The following NEO1 variants were observed in gnomAD, a reference collection of about 807,000 sequenced individuals.
The protein encoded by NEO1 is neogenin.
Under a neutral mutation model 159.7 loss-of-function variants are expected in NEO1, and 63 were observed. The observed-to-expected ratio is 0.39, with a 90% CI of 0.32 to 0.49. The LOEUF (loss-of-function observed/expected upper bound fraction) is 0.49. NEO1 is among the 20% of genes least tolerant of loss of function. The pLI is 0.85. For synonymous variants in NEO1, 633 were observed against 662.0 expected (o/e 0.96, Z 0.67); for missense variants, 1,615 against 1,831.0 (o/e 0.88, Z 2.15).
At chr15:73,105,282 C>T (rs529604824) in intron 1 of NEO1, among the ~76,000 whole-genome samples, 18 of 152,234 alleles carry the variant, frequency 1.2e-4, no homozygotes, top group African/African-American at 2.9e-4. Context: ...TACTTTTCTG[C>T]GAATGATTAC....
intron 5 of NEO1, among the ~76,000 whole-genome samples, chr15:73,170,864 G>T (rs2034912345): frequency 6.6e-6 from 1 of 152,146 alleles, no homozygotes; most frequent in African/African-American, 2.4e-5. Flanking sequence ...ATGAGTGATA[G>T]AATAAGAGTA....
intron 5 of NEO1, among the ~76,000 whole-genome samples, chr15:73,168,458 C>G (rs968186549): frequency 2.6e-5 from 4 of 151,548 alleles, no homozygotes; most frequent in African/African-American, 9.7e-5. Flanking sequence ...CTTGGCCTCC[C>G]AAAGTGCTAG....
Position 73,116,684 on chromosome 15 carries a change from T to C in NEO1, c.275T>C (p.Phe92Ser), listed in dbSNP as rs2071340681. The change falls in exon 2 of 29, where the codon TTT becomes TCT. Residue 92 changes from phenylalanine to serine, a missense_variant. Phe to Ser is a radical substitution (Grantham distance 155, BLOSUM62 -2). Coordinates refer to ENST00000261908, the MANE Select transcript of NEO1 (RefSeq NM_002499.4). ...ATTGAATGGAAAAAAGATGGAACTT[T>C]TTTAAACTTAGTATCAGATGATCGA... ...PKIEWKKDGT[F>S]LNLVSDDRRQ... 1.4e-5 allele frequency: 22 copies of C among 1,613,912 alleles called. No homozygotes were observed. The highest frequency in any genetic ancestry group is 2.2e-5 in the South Asian group (2 of 91,086).
chr15:73,141,038 A>T (rs565290734), intron 5 of NEO1, among the ~76,000 whole-genome samples: 1 of 152,202 alleles, frequency 6.6e-6, no homozygotes, highest in Non-Finnish European at 1.5e-5. Context: ...GGTAGTTACA[A>T]TTCAAGCTGT....
At chr15:73,271,954 A>C (rs1451485309) in intron 18 of NEO1, among the ~76,000 whole-genome samples, 6 of 151,846 alleles carry the variant, frequency 4.0e-5, no homozygotes, top group Admixed American at 6.6e-5. Flanking sequence ...AGAGCCAACT[A>C]TAAATGAGAG....
intron 7 of NEO1, among the ~76,000 whole-genome samples, chr15:73,220,090 C>T (rs1331299174): frequency 1.3e-5 from 2 of 151,972 alleles, no homozygotes; most frequent in East Asian, 1.9e-4. Flanking sequence ...TTTAGTGCTT[C>T]CTTCAGGAGC....
intron 1 of NEO1, among the ~76,000 whole-genome samples, chr15:73,107,887 T>C (rs2151552846): frequency 6.6e-6 from 1 of 152,322 alleles, no homozygotes; most frequent in African/African-American, 2.4e-5. Context: ...AAGTGGCTTA[T>C]AAGATATTTC....
intron 1 of NEO1, among the ~76,000 whole-genome samples, chr15:73,070,535 G>A (rs1274062459): frequency 7.2e-5 from 11 of 152,246 alleles, no homozygotes; most frequent in Middle Eastern, 3.4e-3. Context: ...GAAGAAAATA[G>A]AAAAGAGGTT....
chr15:73,181,674 A>G (rs1005701972), intron 7 of NEO1, among the ~76,000 whole-genome samples: 1 of 152,042 alleles, frequency 6.6e-6, no homozygotes, highest in Non-Finnish European at 1.5e-5. Flanking sequence ...GTGAGAACTC[A>G]CTATCTCAAG....
At chr15:73,283,189 G>T in intron 23 of NEO1, 78 bp downstream of exon 23, 1 of 1,458,244 alleles carries the variant, frequency 6.9e-7, no homozygotes, top group Non-Finnish European at 9.4e-7. Context: ...ATATGGAGTG[G>T]TACACAAAGT....
At chr15:73,100,380 G>A (rs2070333672) in intron 1 of NEO1, among the ~76,000 whole-genome samples, 2 of 151,246 alleles carry the variant, frequency 1.3e-5, no homozygotes, top group Admixed American at 6.6e-5. Context: ...TGTTGCCCAG[G>A]CTGGAGTGCA....
At chr15:73,301,648 G>T in intron 28 of NEO1, 191 bp downstream of exon 28, 2 of 711,838 alleles carry the variant, frequency 2.8e-6, no homozygotes, top group Non-Finnish European at 2.2e-6. Flanking sequence ...TGAGGACTTG[G>T]TGTGCTTTCT....
At chr15:73,216,356 A>T (rs1596365937) in intron 7 of NEO1, among the ~76,000 whole-genome samples, 1 of 152,180 alleles carries the variant, frequency 6.6e-6, no homozygotes, top group East Asian at 1.9e-4. Context: ...GGTTGGTTCC[A>T]AGTCTTTGCT....
intron 4 of NEO1, among the ~76,000 whole-genome samples, chr15:73,133,263 T>C (rs2031357537): frequency 6.6e-6 from 1 of 152,114 alleles, no homozygotes; most frequent in South Asian, 2.1e-4. Flanking sequence ...CTGGATTGAA[T>C]GGGAGACCAT....
intron 5 of NEO1, among the ~76,000 whole-genome samples, chr15:73,152,486 A>T (rs2033451933): frequency 6.6e-6 from 1 of 152,152 alleles, no homozygotes; most frequent in Non-Finnish European, 1.5e-5. Flanking sequence ...CTTTCTCCCT[A>T]CCTCACCCTA....
At chr15:73,290,526 A>G (rs552692) in intron 25 of NEO1, among the ~76,000 whole-genome samples, 133,808 of 151,946 alleles carry the variant, frequency 0.88, 59,371 homozygotes, top group Admixed American at 0.94. Context: ...AGCCACCACC[A>G]CCCGCCCAGC....
intron 7 of NEO1, among the ~76,000 whole-genome samples, chr15:73,190,412 C>T (rs767141401): frequency 4.7e-4 from 71 of 152,270 alleles, no homozygotes; most frequent in Non-Finnish European, 8.7e-4. Flanking sequence ...AGGAAACTTA[C>T]ACTTTACCAG....
chr15:73,233,279 A>G (rs1246144849), intron 7 of NEO1, among the ~76,000 whole-genome samples: 1 of 152,178 alleles, frequency 6.6e-6, no homozygotes, highest in Non-Finnish European at 1.5e-5. Context: ...TTAATTAGGA[A>G]TGATTTACAA....
At chr15:73,111,056 A>T (rs1166591459) in intron 1 of NEO1, among the ~76,000 whole-genome samples, 2 of 152,202 alleles carry the variant, frequency 1.3e-5, no homozygotes, top group Non-Finnish European at 2.9e-5. Context: ...TAGCAAACAG[A>T]AATACACGGA....
Sources: gnomAD v4.1 joint callset for allele counts (sites outside exome capture counted in the v4.1 genomes callset) on GRCh38, gnomAD v4.1.1 for gene constraint, MANE v1.5 for transcripts, NCBI Gene and HGNC (gene_info 2026-07-23, HGNC 2026-07-21) for gene names.